The following FUBP3 variants were observed in gnomAD, a reference collection of about 807,000 sequenced individuals.
FUBP3 encodes far upstream element-binding protein 3.
Under a neutral mutation model 85.6 loss-of-function variants are expected in FUBP3, and 28 were observed. The observed-to-expected ratio is 0.33, with a 90% CI of 0.24 to 0.45. The LOEUF is 0.45. Among genes scored for constraint, FUBP3 ranks in the 20% least tolerant of loss-of-function variants. The pLI, the probability that FUBP3 is intolerant of heterozygous loss-of-function variation, is 1.00. For missense variants in FUBP3, 583 were observed against 755.1 expected (o/e 0.77, Z 2.67); for synonymous variants, 271 against 271.4 (o/e 1.00, Z 0.01).
At chr9:130,584,270 G>A (rs575932244) in intron 1 of FUBP3, among the ~76,000 whole-genome samples, 2 of 152,154 alleles carry the variant, frequency 1.3e-5, no homozygotes, top group East Asian at 1.9e-4. Flanking sequence ...GCTTACACCC[G>A]TAATCCCAGC....
chr9:130,618,459 C>A (rs1016910574), intron 8 of FUBP3, among the ~76,000 whole-genome samples: 3 of 152,266 alleles, frequency 2.0e-5, no homozygotes, highest in African/African-American at 7.2e-5. Context: ...GAGCAAGTGT[C>A]CTGCGCCCCG....
chr9:130,606,547 G>C (rs188451411), intron 2 of FUBP3, among the ~76,000 whole-genome samples: 3 of 152,130 alleles, frequency 2.0e-5, no homozygotes, highest in East Asian at 1.9e-4. Context: ...GTGGCCGGGC[G>C]CGGTGGCTCA....
At chr9:130,595,459 GT>G (rs780034309) in intron 1 of FUBP3, 23 bp from the exon 2 acceptor site, 2 of 1,141,854 alleles carry the variant, frequency 1.8e-6, no homozygotes, top group South Asian at 2.5e-5. Context: ...GTTACTGAGT[GT>G]TTAAATCTGA....
At chr9:130,627,853 C>G (rs968156381) in intron 12 of FUBP3, among the ~76,000 whole-genome samples, 1 of 152,166 alleles carries the variant, frequency 6.6e-6, no homozygotes, top group Non-Finnish European at 1.5e-5. Context: ...CCTGACTGAG[C>G]ATTGTTGCCT....
In FUBP3 at chr9:130,637,903, C is replaced by T. The variant is rs549532271; in HGVS notation, c.*881C>T. ...ATGTAGTTATAACTATTTTTAATTC[C>T]AAGGTGTTGTTTGCTTTTTTCTTTT... On this transcript the variant is annotated 3_prime_UTR_variant, in exon 19 of 19. Transcript: ENST00000319725. 2.8e-4 allele frequency: 43 copies of T among 152,214 alleles called. No individual in the cohort carries two copies. Among genetic ancestry groups the T allele is most frequent in the African/African-American group, 9.9e-4 (41 of 41,352 alleles). The allele number at this position is 152,214 out of a possible 1,614,324, so 9.4% of individuals were successfully genotyped here.
intron 1 of FUBP3, among the ~76,000 whole-genome samples, chr9:130,588,221 G>T (rs1440498303): frequency 3.9e-5 from 6 of 152,114 alleles, no homozygotes; most frequent in Admixed American, 3.9e-4. Context: ...TCAAGTTCTG[G>T]TTCTGCCACT....
chr9:130,616,279 G>A lies in FUBP3; in HGVS notation c.405-76G>A. 6.9e-7 allele frequency: 1 copy of A among 1,442,488 alleles called. No homozygotes were observed. The highest frequency in any genetic ancestry group is 1.2e-5 in the South Asian group (1 of 81,742). The allele number at this position is 1,442,488 out of a possible 1,614,324, so 89.4% of individuals were successfully genotyped here. ...CTGACTCCCGCAGGTTTTTCCCTCAGTGCTATTTCCCTGTCTTGCACACTT... is the reference window on the plus strand; with the variant it reads ...CTGACTCCCGCAGGTTTTTCCCTCAATGCTATTTCCCTGTCTTGCACACTT... On this transcript the variant is annotated intron_variant, in intron 6 of 18. Transcript: ENST00000319725. The surrounding 1 kb of genome is among the most constrained non-coding windows in gnomAD (Gnocchi z 4.7).
At position 130,631,963 on chromosome 9, in the gene FUBP3, C is replaced by T. The variant is rs560219361; in HGVS notation, c.1374C>T (p.Ser458=). ...CCAGTACCTTTCCTCCAAGGAGCTCCGGGTGCTTCCCAAACATGGCTGCCA... is the reference window on the plus strand; with the variant it reads ...CCAGTACCTTTCCTCCAAGGAGCTCTGGGTGCTTCCCAAACATGGCTGCCA... ...PHQNTFPPRS[S]GCFPNMAAKV... Residue 458 remains serine, a synonymous_variant, in exon 15 of 19, where the codon TCC becomes TCT. Coordinates refer to ENST00000319725, the MANE Select transcript of FUBP3 (RefSeq NM_003934.2). 6.2e-6 allele frequency: 10 copies of T among 1,613,284 alleles called. No individual in the cohort carries two copies. In the Admixed American group the frequency reaches 6.7e-5, roughly 11 times the overall value.
chr9:130,614,311 C>T lies in FUBP3; in HGVS notation c.370C>T (p.Pro124Ser), dbSNP rs1418200789. 6.2e-7 allele frequency: 1 copy of T among 1,605,568 alleles called. No individual in the cohort carries two copies. Among genetic ancestry groups the T allele is most frequent in the African/African-American group, 1.3e-5 (1 of 74,906 alleles). The change falls in exon 6 of 19, where the codon CCC becomes TCC. Residue 124 changes from proline (P) to serine (S), a missense_variant. Pro to Ser is a moderately conservative substitution (Grantham distance 74). Transcript: ENST00000319725. ...AGAGAGTTCTGGGATTCCAGAGAGG[C>T]CCTGTGTACTTACCGGAACCCCAGA... is the stretch of plus-strand genomic sequence containing the variant. ...ASESSGIPER[P>S]CVLTGTPESI...
intron 1 of FUBP3, among the ~76,000 whole-genome samples, chr9:130,582,938 AC>A (rs2118994528): frequency 6.6e-6 from 1 of 152,286 alleles, no homozygotes; most frequent in East Asian, 1.9e-4. Flanking sequence ...AACTACTAAT[AC>A]TTTTTAGGAC....
rs1564210836 is a variant in FUBP3, at chr9:130,616,368, C to T, written c.418C>T (p.Leu140Phe). 6.2e-7 allele frequency: 1 copy of T among 1,614,130 alleles called. No homozygotes were observed. The highest frequency in any genetic ancestry group is 8.5e-7 in the Non-Finnish European group (1 of 1,180,008). Reference protein sequence around the residue: ...TPESIEQAKRLLGQIVDRCRN... With the variant: ...TPESIEQAKRFLGQIVDRCRN... ...TCCCTCCCAAAGACAAGCCAAACGG[C>T]TCCTGGGACAGATTGTGGACCGCTG... Residue 140 changes from leucine to phenylalanine, a missense_variant, in exon 7 of 19, where the codon CTC becomes TTC. Physicochemically the swap from Leu to Phe is conservative, Grantham distance 22. Coordinates refer to ENST00000319725, the MANE Select transcript of FUBP3 (RefSeq NM_003934.2). The surrounding 1 kb of genome is among the most constrained non-coding windows in gnomAD (Gnocchi z 4.7).
At chr9:130,587,200 G>A (rs187437763) in intron 1 of FUBP3, among the ~76,000 whole-genome samples, 68 of 152,136 alleles carry the variant, frequency 4.5e-4, no homozygotes, top group African/African-American at 1.5e-3. Context: ...AAGTAGCTGG[G>A]ACTGCAGGCG....
chr9:130,612,824 G>T lies in FUBP3; in HGVS notation c.275-132G>T. 1.5e-6 allele frequency: 1 copy of T among 674,102 alleles called. No homozygotes were observed. The highest frequency in any genetic ancestry group is 2.6e-6 in the Non-Finnish European group (1 of 380,010). The allele number at this position is 674,102 out of a possible 1,614,324, so 41.8% of individuals were successfully genotyped here. On this transcript the variant is annotated intron_variant, in intron 4 of 18. Transcript: ENST00000319725. The surrounding 1 kb of genome is among the most constrained non-coding windows in gnomAD (Gnocchi z 4.1). ...CCATCATGCCCAAAGAGTGGAGATGGGCTCACGGGGGCCAACTCGATGTGT... is the reference window on the plus strand; with the variant it reads ...CCATCATGCCCAAAGAGTGGAGATGTGCTCACGGGGGCCAACTCGATGTGT...
chr9:130,612,843 G>A lies in FUBP3; in HGVS notation c.275-113G>A, dbSNP rs1268419772. 2.6e-6 allele frequency: 2 copies of A among 760,904 alleles called. No individual in the cohort carries two copies. The highest frequency in any genetic ancestry group is 1.6e-5 in the South Asian group (1 of 62,352). 47.1% of individuals were successfully genotyped at this position (760,904 alleles called of 1,614,324 possible). A position where few individuals can be genotyped will look rare whatever the true frequency, so the allele number is the denominator to read the frequency against. ...GAGATGGGCTCACGGGGGCCAACTC[G>A]ATGTGTAGTATTGTGAGCCAAGTGT... On this transcript the variant is annotated intron_variant, in intron 4 of 18. Transcript: ENST00000319725. This position sits in a 1 kb window ranked among gnomAD's most constrained non-coding sequence, Gnocchi z 4.1.
At chr9:130,583,024 A>G (rs1172756054) in intron 1 of FUBP3, among the ~76,000 whole-genome samples, 1 of 152,240 alleles carries the variant, frequency 6.6e-6, no homozygotes, top group Admixed American at 6.5e-5. Flanking sequence ...TACAGCATAT[A>G]ATGTTGATAC....
Position 130,612,893 on chromosome 9 carries a change from C to G in FUBP3, c.275-63C>G. ...TCACAGTTTGTGGAATTAATTCAGT[C>G]ATTCCTGCGTGGTGAAATATGGAAT... On this transcript the variant is annotated intron_variant, in intron 4 of 18. Coordinates refer to ENST00000319725, the MANE Select transcript of FUBP3 (RefSeq NM_003934.2). This position sits in a 1 kb window ranked among gnomAD's most constrained non-coding sequence, Gnocchi z 4.1. The G allele has an allele frequency of 9.2e-7, 1 of 1,090,550 alleles. No individual in the cohort carries two copies. Among genetic ancestry groups the G allele is most frequent in the Non-Finnish European group, 1.4e-6 (1 of 708,690 alleles). The allele number at this position is 1,090,550 out of a possible 1,614,324, so 67.6% of individuals were successfully genotyped here.
chr9:130,623,134 G>T (rs1013279783), intron 10 of FUBP3, among the ~76,000 whole-genome samples: 1 of 151,866 alleles, frequency 6.6e-6, no homozygotes, highest in African/African-American at 2.4e-5. Flanking sequence ...AAATATATAT[G>T]TATAATTTTG....
At chr9:130,582,204 A>G (rs1042870286) in intron 1 of FUBP3, 3 of 152,012 alleles carry the variant, frequency 2.0e-5, no homozygotes, top group Non-Finnish European at 2.9e-5. Context: ...TAATCTCAGC[A>G]CTTTGGGAGG....
Position 130,612,943 on chromosome 9 carries a change from C to G in FUBP3, c.275-13C>G. ...TAGGGGCGTGTATTCTGACCCTGTT[C>G]AATTTGTTTCAGTTATCGGCAGGGG... On this transcript the variant is annotated splice_polypyrimidine_tract_variant and intron_variant, in intron 4 of 18. Transcript: ENST00000319725. This position sits in a 1 kb window ranked among gnomAD's most constrained non-coding sequence, Gnocchi z 4.1. 3.1e-6 allele frequency: 5 copies of G among 1,593,666 alleles called. No homozygotes were observed. The highest frequency in any genetic ancestry group is 4.3e-6 in the Non-Finnish European group (5 of 1,161,474).
Sources: gnomAD v4.1 joint callset for allele counts (sites outside exome capture counted in the v4.1 genomes callset) on GRCh38, gnomAD v4.1.1 for gene constraint, Gnocchi (gnomAD v3.1) non-coding constraint, MANE v1.5 for transcripts, NCBI Gene and HGNC (gene_info 2026-07-23, HGNC 2026-07-21) for gene names.